YIF1B: variants seen among roughly 807,000 people sequenced by gnomAD.
YIF1B encodes Yip1 interacting factor homolog B, membrane trafficking protein.
Under a neutral mutation model 34.6 loss-of-function variants are expected in YIF1B, and 24 were observed. That is an observed-to-expected ratio of 0.69 (90% CI 0.50 to 0.98). YIF1B has a LOEUF of 0.98. YIF1B is among the 50% of genes least tolerant of loss of function. The pLI is 0.00. For synonymous variants in YIF1B, 186 were observed against 184.8 expected, an observed-to-expected ratio of 1.01 and a Z score of -0.05; for missense variants, 368 against 429.4, an observed-to-expected ratio of 0.86 and a Z score of 1.26.
chr19:38,305,412 C>T lies in YIF1B; in HGVS notation c.885G>A (p.Met295Ile), dbSNP rs575319930. 5 of 1,610,668 alleles carry T rather than the reference C, an allele frequency of 3.1e-6. No individual in the cohort carries two copies. The African/African-American group carries it at 6.7e-5, about 21-fold the overall frequency. ...ARNQLRMYLT[M>I]AVAAAQPMLM... is the part of the protein sequence containing the mutation. Reference sequence around the variant, plus strand: ...GCATAGGCTGCGCCGCCGCCACCGCCATGGTCAGGTACATGCGCAGCTGGT... The same window carrying T: ...GCATAGGCTGCGCCGCCGCCACCGCTATGGTCAGGTACATGCGCAGCTGGT... Residue 295 changes from methionine to isoleucine, a missense_variant, in exon 8 of 8, where the codon ATG (methionine) becomes ATA (isoleucine). Physicochemically the swap from Met to Ile is conservative, Grantham distance 10 (BLOSUM62 1). Coordinates refer to ENST00000339413, the MANE Select transcript of YIF1B (RefSeq NM_001039672.3).
At chr19:38,306,125 A>C (rs920419383) in intron 7 of YIF1B, among the ~76,000 whole-genome samples, 1 of 144,182 alleles carries the variant, frequency 6.9e-6, no homozygotes, top group African/African-American at 2.6e-5. Flanking sequence ...TTGCTCCTGA[A>C]CCCAAGAGGC....
At chr19:38,314,755 A>T (rs550986419) in intron 1 of YIF1B, among the ~76,000 whole-genome samples, 4 of 151,034 alleles carry the variant, frequency 2.6e-5, no homozygotes, top group South Asian at 4.2e-4. Flanking sequence ...CCGGGATTAC[A>T]GGTGCTCGCC....
chr19:38,316,450 A>T (rs1969557576), upstream of YIF1B, among the ~76,000 whole-genome samples: 1 of 151,948 alleles, frequency 6.6e-6, no homozygotes, highest in Non-Finnish European at 1.5e-5. Flanking sequence ...GGAGTTCGAG[A>T]CCAGCCTGGG....
chr19:38,314,246 G>C (rs192717380), intron 1 of YIF1B, among the ~76,000 whole-genome samples: 1 of 147,934 alleles, frequency 6.8e-6, no homozygotes, highest in African/African-American at 2.5e-5. Flanking sequence ...CCAGGCTGGA[G>C]TGCAGTGGTG....
At chr19:38,316,887 C>T (rs888941031), upstream of YIF1B, among the ~76,000 whole-genome samples, 2 of 152,086 alleles carry the variant, frequency 1.3e-5, no homozygotes, top group Admixed American at 1.3e-4. Context: ...TCTCGAATTC[C>T]TGGGCTCAAG....
At chr19:38,320,725 A>C (rs1969642340), upstream of YIF1B, among the ~76,000 whole-genome samples, 1 of 151,764 alleles carries the variant, frequency 6.6e-6, no homozygotes, top group Non-Finnish European at 1.5e-5. Context: ...TGCCTGGCTA[A>C]TTTTTGTATT....
rs1415726405 is a variant in YIF1B, at chr19:38,305,393, G to A, written c.904C>T (p.Pro302Ser). 1.2e-5 allele frequency: 19 copies of A among 1,609,156 alleles called. No homozygotes were observed. The highest frequency in any genetic ancestry group is 1.5e-5 in the Non-Finnish European group (18 of 1,177,542). Residue 302 changes from proline (P) to serine (S), a missense_variant, in exon 8 of 8, where the codon CCT becomes TCT. Transcript: ENST00000339413. ...YLTMAVAAAQ[P>S]MLMYWLTFHL... ...AAGGTGAGCCAGTACATGAGCATAG[G>A]CTGCGCCGCCGCCACCGCCATGGTC... is the stretch of plus-strand genomic sequence containing the variant.
In YIF1B at chr19:38,305,319, C is replaced by G. The variant is rs962710087; in HGVS notation, c.*33G>C. On this transcript the variant is annotated 3_prime_UTR_variant, in exon 8 of 8. Transcript: ENST00000339413. ...CGGCGGCCACAGTGGCCCCCAGCAG[C>G]AGCAGCAGCAGCGGGAGGTTCAGCG... The G allele has an allele frequency of 1.3e-6, 2 of 1,587,656 alleles. No individual in the cohort carries two copies. The highest frequency in any genetic ancestry group is 1.7e-6 in the Non-Finnish European group (2 of 1,163,882).
chr19:38,315,983 G>C (rs1209287991), upstream of YIF1B: 3 of 1,367,390 alleles, frequency 2.2e-6, no homozygotes, highest in African/African-American at 4.6e-5. Flanking sequence ...CCCACGCCCC[G>C]CCGGCGAAGA....
chr19:38,313,591 C>T (rs954831469), intron 1 of YIF1B, among the ~76,000 whole-genome samples: 1 of 152,220 alleles, frequency 6.6e-6, no homozygotes, highest in African/African-American at 2.4e-5. Flanking sequence ...AATAAGACCA[C>T]GTCATCCTCT....
intron 1 of YIF1B, among the ~76,000 whole-genome samples, chr19:38,312,090 G>T (rs1008778606): frequency 6.8e-6 from 1 of 146,970 alleles, no homozygotes; most frequent in Non-Finnish European, 1.5e-5. Context: ...GCTACAGAGC[G>T]AGACTCCATC....
intron 1 of YIF1B, among the ~76,000 whole-genome samples, chr19:38,311,090 C>T (rs186558456): frequency 6.6e-5 from 10 of 152,190 alleles, no homozygotes; most frequent in African/African-American, 2.4e-4. Context: ...TGAATAAAGG[C>T]AGCCTGGGCA....
intron 1 of YIF1B, 172 bp downstream of exon 1, chr19:38,315,687 TA>T: frequency 6.2e-7 from 1 of 1,602,968 alleles, no homozygotes; most frequent in Middle Eastern, 1.7e-4. Flanking sequence ...AGGAATTTCC[TA>T]AAGAATCGCC....
chr19:38,319,360 G>A (rs1008077862), upstream of YIF1B, among the ~76,000 whole-genome samples: 1 of 152,118 alleles, frequency 6.6e-6, no homozygotes, highest in Non-Finnish European at 1.5e-5. Context: ...AGCAGAAAGT[G>A]GGCATTGAAC....
At chr19:38,318,876 G>A (rs966131174), upstream of YIF1B, among the ~76,000 whole-genome samples, 3 of 152,172 alleles carry the variant, frequency 2.0e-5, no homozygotes, top group African/African-American at 7.2e-5. Flanking sequence ...AGACTTACGG[G>A]GGGGCGCAGA....
chr19:38,315,996 C>T (rs1321661603), upstream of YIF1B: 1 of 1,364,042 alleles, frequency 7.3e-7, no homozygotes, highest in African/African-American at 1.5e-5. Flanking sequence ...GGCGAAGAGA[C>T]AGCCAATGGA....
chr19:38,306,816 G>A (rs533169296), intron 7 of YIF1B: 3 of 355,688 alleles, frequency 8.4e-6, no homozygotes, highest in East Asian at 1.9e-4. Flanking sequence ...TGAGTAGCTG[G>A]GACTACAGGC....
At chr19:38,309,935 T>A (rs1437864059) in intron 1 of YIF1B, 1 of 856,324 alleles carries the variant, frequency 1.2e-6, no homozygotes, top group African/African-American at 1.9e-5. Context: ...CACCCACCCA[T>A]CCATCCATCT....
At position 38,307,470 on chromosome 19, in the gene YIF1B, G is replaced by A. The variant is rs774788765; in HGVS notation, c.747C>T (p.Tyr249=). 7 of 1,613,896 alleles carry A rather than the reference G, an allele frequency of 4.3e-6. No homozygotes were observed. The Admixed American group carries it at 8.3e-5, about 19-fold the overall frequency. ...CTACGCAGCACCAGCCCAGCACCAG[G>A]TAGTAGCCAATCTTCCCGAAGAGCA... ...MGLLFGKIGY[Y]LVLGWCCVAI... The change falls in exon 7 of 8, where the codon TAC becomes TAT. Residue 249 remains tyrosine (Y), a synonymous_variant. Transcript: ENST00000339413.
Sources: allele counts gnomAD v4.1 joint callset (sites outside exome capture counted in the v4.1 genomes callset), GRCh38; gene constraint gnomAD v4.1.1; transcripts MANE v1.5; gene names NCBI Gene and HGNC (gene_info 2026-07-23, HGNC 2026-07-21).